PLA2G4A: variants seen among roughly 807,000 people sequenced by gnomAD.
PLA2G4A encodes the protein phospholipase A2 group IVA, also known as cytosolic phospholipase A2.
A neutral mutation model predicts 81.9 loss-of-function variants in PLA2G4A; 40 were observed. The observed-to-expected ratio is 0.49, with a 90% CI of 0.38 to 0.64. The LOEUF is 0.64. PLA2G4A is among the 30% of genes least tolerant of loss of function. The pLI is 0.00. For synonymous variants in PLA2G4A, 302 were observed against 296.9 expected (o/e 1.02, Z -0.18); for missense variants, 715 against 905.1 (o/e 0.79, Z 2.69).
intron 3 of PLA2G4A, among the ~76,000 whole-genome samples, chr1:186,871,043 T>G (rs753066611): frequency 6.6e-6 from 1 of 152,134 alleles, no homozygotes; most frequent in African/African-American, 2.4e-5. Flanking sequence ...GAATACTGAG[T>G]AAAGACTTTA....
At position 186,932,737 on chromosome 1, in the gene PLA2G4A, C is replaced by A. The variant is rs757036719; in HGVS notation, c.559-26C>A. 6 of 1,608,298 alleles carry A rather than the reference C, an allele frequency of 3.7e-6. No individual in the cohort carries two copies. The African/African-American group carries it at 8.0e-5, about 22-fold the overall frequency. On this transcript the variant is annotated intron_variant, in intron 7 of 17. Transcript: ENST00000367466. ...TATTTTATGATTTTTACTTTGTGTA[C>A]AAATCTCTCTGTTGCATCGTTTCAG...
At chr1:186,830,957 GCTTTCTTT>G (rs71104890) in intron 1 of PLA2G4A, among the ~76,000 whole-genome samples, 9,563 of 81,498 alleles carry the variant, frequency 0.12, 381 homozygotes, top group Middle Eastern at 0.15. Context: ...TTGCTTGCTT[GCTTTCTTT>G]CTTTCTTTCT....
At chr1:186,880,255 G>C (rs1653679872) in intron 3 of PLA2G4A, among the ~76,000 whole-genome samples, 1 of 151,896 alleles carries the variant, frequency 6.6e-6, no homozygotes. Flanking sequence ...TATAACTTAG[G>C]TAGCCTTTTA....
In PLA2G4A at chr1:186,988,851, T is replaced by C. The variant is rs532488076; in HGVS notation, c.*343T>C. 2.3e-5 allele frequency: 5 copies of C among 214,864 alleles called. No homozygotes were observed. In the East Asian group the frequency reaches 5.6e-4, roughly 24 times the overall value. The allele number at this position is 214,864 out of a possible 1,614,324, so 13.3% of individuals were successfully genotyped here. A position where few individuals can be genotyped will look rare whatever the true frequency, so the allele number is the denominator to read the frequency against. On this transcript the variant is annotated 3_prime_UTR_variant, in exon 18 of 18. Coordinates refer to ENST00000367466, the MANE Select transcript of PLA2G4A (RefSeq NM_024420.3). ...TTTTAAAATATTTAACAGTTCAATC[T>C]CAATAAGACCTCGCATTATGTATGA...
chr1:186,924,199 A>T (rs572143611), intron 7 of PLA2G4A, among the ~76,000 whole-genome samples: 2 of 152,346 alleles, frequency 1.3e-5, no homozygotes, highest in South Asian at 4.1e-4. Flanking sequence ...TTCTAAACTC[A>T]GTTATAAAAA....
chr1:186,868,686 T>C (rs1281738968), intron 2 of PLA2G4A, among the ~76,000 whole-genome samples: 2 of 152,184 alleles, frequency 1.3e-5, no homozygotes, highest in Non-Finnish European at 2.9e-5. Context: ...AGGTTATTAA[T>C]TGTTGATTCA....
chr1:186,968,761 A>T (rs1369290286), intron 15 of PLA2G4A, among the ~76,000 whole-genome samples: 3 of 151,834 alleles, frequency 2.0e-5, no homozygotes, highest in African/African-American at 7.2e-5. Context: ...CTAGATGTGT[A>T]TCATTTTATG....
chr1:186,849,602 C>T (rs185884948), intron 1 of PLA2G4A, among the ~76,000 whole-genome samples: 1 of 152,172 alleles, frequency 6.6e-6, no homozygotes, highest in African/African-American at 2.4e-5. Context: ...CTCAGTTCCT[C>T]ATACTGCCTG....
rs528217495 is a variant in PLA2G4A, at chr1:186,935,632, C to T, written c.695+2733C>T. Among the ~76,000 whole-genome samples the T allele has an allele frequency of 7.4e-4, 112 of 151,964 alleles. 2 individuals carry two copies. Among genetic ancestry groups the T allele is most frequent in the African/African-American group, 2.6e-3 (109 of 41,520 alleles). ...TAACCAGGGAAAGAAGAGATGCTCC[C>T]TTACCAGAAGAAAAGGTGGCCAGGA... On this transcript the variant is annotated intron_variant, in intron 8 of 17. Coordinates refer to ENST00000367466, the MANE Select transcript of PLA2G4A (RefSeq NM_024420.3).
At position 186,950,953 on chromosome 1, in the gene PLA2G4A, A is replaced by T. The variant is rs1419569922; in HGVS notation, c.1336+225A>T. ...TTTGTTTTAATACCTCAAAAATACT[A>T]TAAGTTGAACAAATGAACAGATCCA... is the stretch of plus-strand genomic sequence containing the variant. On this transcript the variant is annotated intron_variant, in intron 13 of 17. Transcript: ENST00000367466. 2.6e-4 allele frequency among the ~76,000 whole-genome samples: 39 copies of T among 152,338 alleles called. 1 individual carries two copies. The highest frequency in any genetic ancestry group is 9.4e-4 in the African/African-American group (39 of 41,576).
At chr1:186,869,290 C>G (rs901517500) in intron 2 of PLA2G4A, among the ~76,000 whole-genome samples, 4 of 152,052 alleles carry the variant, frequency 2.6e-5, no homozygotes, top group African/African-American at 9.7e-5. Context: ...AAAACTTTGG[C>G]TACTCAACTC....
At chr1:186,836,841 A>C (rs1276457337) in intron 1 of PLA2G4A, among the ~76,000 whole-genome samples, 1 of 152,306 alleles carries the variant, frequency 6.6e-6, no homozygotes, top group South Asian at 2.1e-4. Context: ...ACAGATAATA[A>C]ATTATAAAAG....
intron 5 of PLA2G4A, among the ~76,000 whole-genome samples, chr1:186,899,239 A>G (rs925433162): frequency 5.9e-5 from 9 of 152,164 alleles, no homozygotes; most frequent in Non-Finnish European, 1.2e-4. Flanking sequence ...CCAAGTAGAA[A>G]GGCTCTGAAG....
At chr1:186,904,789 A>G (rs1170042184) in intron 5 of PLA2G4A, among the ~76,000 whole-genome samples, 1 of 152,228 alleles carries the variant, frequency 6.6e-6, no homozygotes, top group Non-Finnish European at 1.5e-5. Context: ...ATTTGACTAT[A>G]AATGCAGCAT....
Position 186,904,140 on chromosome 1 carries a change from A to G in PLA2G4A, c.379-2825A>G, listed in dbSNP as rs549577545. On this transcript the variant is annotated intron_variant, in intron 5 of 17. Coordinates refer to ENST00000367466, the MANE Select transcript of PLA2G4A (RefSeq NM_024420.3). ...ACTCTCCTTTAACTGAAAATCTCCAATTGTAAACATCTAAAATTGCTTTCC... is the reference window on the plus strand; with the variant it reads ...ACTCTCCTTTAACTGAAAATCTCCAGTTGTAAACATCTAAAATTGCTTTCC... Among the ~76,000 whole-genome samples, 4 of 152,328 alleles carry G rather than the reference A, an allele frequency of 2.6e-5. No individual in the cohort carries two copies. In the South Asian group the frequency reaches 6.2e-4, roughly 24 times the overall value.
At chr1:186,877,306 C>A (rs1172733920) in intron 3 of PLA2G4A, among the ~76,000 whole-genome samples, 1 of 151,932 alleles carries the variant, frequency 6.6e-6, no homozygotes, top group Non-Finnish European at 1.5e-5. Flanking sequence ...TACTTATATG[C>A]CTAACACACA....
At chr1:186,962,352 A>C (rs1656978631) in intron 14 of PLA2G4A, among the ~76,000 whole-genome samples, 1 of 152,096 alleles carries the variant, frequency 6.6e-6, no homozygotes, top group Non-Finnish European at 1.5e-5. Flanking sequence ...CCCCCAAGTA[A>C]GTAGGGACTA....
intron 4 of PLA2G4A, among the ~76,000 whole-genome samples, chr1:186,893,866 G>A (rs1306174583): frequency 6.7e-6 from 1 of 148,968 alleles, no homozygotes; most frequent in Non-Finnish European, 1.5e-5. Context: ...GGAGGTTGCA[G>A]TGAGCCGAGA....
At chr1:186,940,149 C>G (rs1571422974) in intron 10 of PLA2G4A, 55 bp downstream of exon 10, 2 of 953,136 alleles carry the variant, frequency 2.1e-6, no homozygotes, top group South Asian at 2.6e-5. Flanking sequence ...TGCAGTTTCC[C>G]ATGGTTTTCC....
Sources: gnomAD v4.1 joint callset for allele counts (sites outside exome capture counted in the v4.1 genomes callset) on GRCh38, gnomAD v4.1.1 for gene constraint, MANE v1.5 for transcripts, NCBI Gene and HGNC (gene_info 2026-07-23, HGNC 2026-07-21) for gene names.